TEAD4: variants seen among roughly 807,000 people sequenced by gnomAD.
The protein encoded by TEAD4 is transcriptional enhancer factor TEF-3.
Under a neutral mutation model 52.4 loss-of-function variants are expected in TEAD4, and 36 were observed. The ratio of observed to expected loss-of-function variants is 0.69; its 90% confidence interval spans 0.53 to 0.91. The LOEUF (loss-of-function observed/expected upper bound fraction) is 0.91. Ranked by LOEUF, TEAD4 falls within the 40% of genes least tolerant of loss-of-function variation. The pLI, the probability that TEAD4 is intolerant of heterozygous loss-of-function variation, is 0.00. For missense variants in TEAD4, 508 were observed against 583.9 expected (o/e 0.87, Z 1.34); for synonymous variants, 220 against 231.0 (o/e 0.95, Z 0.43).
chr12:2,965,314 C>T (rs1274407284), intron 2 of TEAD4, among the ~76,000 whole-genome samples: 1 of 151,840 alleles, frequency 6.6e-6, no homozygotes, highest in East Asian at 1.9e-4. Flanking sequence ...TACGCCACCA[C>T]ACCTGGCTAA....
At chr12:2,991,593 C>T (rs1345208390) in intron 2 of TEAD4, among the ~76,000 whole-genome samples, 3 of 151,960 alleles carry the variant, frequency 2.0e-5, no homozygotes, top group East Asian at 1.9e-4. Context: ...ACTTGGGAGG[C>T]GGAGGTTACA....
intron 2 of TEAD4, among the ~76,000 whole-genome samples, chr12:2,965,401 C>G (rs908969533): frequency 1.3e-5 from 2 of 152,164 alleles, no homozygotes; most frequent in African/African-American, 4.8e-5. Flanking sequence ...CTCAAGCAAT[C>G]CTCCTACCTT....
At chr12:2,978,671 T>C (rs1056981918) in intron 2 of TEAD4, among the ~76,000 whole-genome samples, 3 of 152,086 alleles carry the variant, frequency 2.0e-5, no homozygotes, top group Non-Finnish European at 4.4e-5. Flanking sequence ...CCCAGAGTGC[T>C]GGGATTACGG....
At position 2,994,932 on chromosome 12, in the gene TEAD4, G is replaced by T; in HGVS notation, c.166G>T (p.Ala56Ser). 6.2e-7 allele frequency: 1 copy of T among 1,614,196 alleles called. No homozygotes were observed. The highest frequency in any genetic ancestry group is 8.5e-7 in the Non-Finnish European group (1 of 1,180,034). ...TGAGCAGAGTTTCCAGGAGGCCCTC[G>T]CCATCTACCCGCCCTGTGGCAGGCG... Residue 56 changes from alanine to serine, a missense_variant, in exon 3 of 13, where the codon GCC becomes TCC. Physicochemically the swap from Ala to Ser is moderately conservative, Grantham distance 99. Transcript: ENST00000359864. The surrounding 1 kb of genome is among the most constrained non-coding windows in gnomAD (Gnocchi z 4.7).
At chr12:3,021,460 GCCA>G (rs1330872023) in intron 9 of TEAD4, among the ~76,000 whole-genome samples, 4 of 152,020 alleles carry the variant, frequency 2.6e-5, no homozygotes, top group African/African-American at 9.7e-5. Context: ...ACAGGTGCCT[GCCA>G]CCACACCTGG....
In TEAD4 at chr12:3,017,014, G is replaced by T. The variant is rs544481440; in HGVS notation, c.355-384G>T. The T allele has an allele frequency of 5.3e-4, 239 of 452,152 alleles. 3 individuals are homozygous for T. The highest frequency in any genetic ancestry group is 4.4e-3 in the African/African-American group (219 of 50,100). The allele number at this position is 452,152 out of a possible 1,614,324, so 28.0% of individuals were successfully genotyped here. A position where few individuals can be genotyped will look rare whatever the true frequency, so the allele number is the denominator to read the frequency against. ...CGTGTGGCCAGGGATGATGCTTCCT[G>T]TGCACTCGAGGAGGGATCCAGCAGA... On this transcript the variant is annotated intron_variant, in intron 5 of 12. Coordinates refer to ENST00000359864, the MANE Select transcript of TEAD4 (RefSeq NM_003213.4).
intron 2 of TEAD4, among the ~76,000 whole-genome samples, chr12:2,969,778 C>T (rs377325966): frequency 1.8e-4 from 28 of 152,272 alleles, no homozygotes; most frequent in South Asian, 1.4e-3. Context: ...CAAACAAGCA[C>T]GGTGTTAGGA....
chr12:3,004,840 G>A (rs146931887), intron 3 of TEAD4, among the ~76,000 whole-genome samples: 164 of 152,334 alleles, frequency 1.1e-3, no homozygotes, highest in African/African-American at 3.7e-3. Flanking sequence ...CTGGAGGCAG[G>A]GAGATGGCTG....
rs115178346 is a variant in TEAD4 at position 2,982,938 on chromosome 12, C to G, written c.-29-11800C>G. Reference sequence around the variant, plus strand: ...TGGTGCTCACTTCACCAGGCCAGTCCAGCTCAGCTTGGGTGAAGGAAGGGG... The same window carrying G: ...TGGTGCTCACTTCACCAGGCCAGTCGAGCTCAGCTTGGGTGAAGGAAGGGG... On this transcript the variant is annotated intron_variant, in intron 2 of 12. Coordinates refer to ENST00000359864, the MANE Select transcript of TEAD4 (RefSeq NM_003213.4). Among the ~76,000 whole-genome samples, 1,075 of 152,256 alleles carry G rather than the reference C, an allele frequency of 7.1e-3. 15 individuals are homozygous for G. The highest frequency in any genetic ancestry group is 0.021 in the African/African-American group (883 of 41,544).
At chr12:3,031,273 G>T (rs566012641) in intron 10 of TEAD4, among the ~76,000 whole-genome samples, 1 of 152,318 alleles carries the variant, frequency 6.6e-6, no homozygotes, top group South Asian at 2.1e-4. Context: ...CCCTGACTCA[G>T]CGGAAGGAGC....
chr12:3,029,049 T>C (rs1227853047), intron 10 of TEAD4, among the ~76,000 whole-genome samples: 7 of 152,120 alleles, frequency 4.6e-5, no homozygotes, highest in Non-Finnish European at 8.8e-5. Context: ...CCCATTCTGT[T>C]GAATGTCTTT....
At chr12:2,982,068 G>A (rs2098234457) in intron 2 of TEAD4, among the ~76,000 whole-genome samples, 1 of 152,232 alleles carries the variant, frequency 6.6e-6, no homozygotes, top group Middle Eastern at 3.4e-3. Flanking sequence ...GGGAGAGGAC[G>A]TCAGGTTGGC....
intron 3 of TEAD4, among the ~76,000 whole-genome samples, chr12:3,010,618 G>C (rs749214626): frequency 2.0e-5 from 3 of 152,358 alleles, no homozygotes; most frequent in African/African-American, 4.8e-5. Context: ...CGAGGGCCGG[G>C]CAGCTCCCTG....
chr12:2,978,764 CTCT>C (rs2098231884), intron 2 of TEAD4, among the ~76,000 whole-genome samples: 1 of 152,134 alleles, frequency 6.6e-6, no homozygotes, highest in South Asian at 2.1e-4. Context: ...CTGATAGTCT[CTCT>C]TCGGCTGTCT....
intron 2 of TEAD4, among the ~76,000 whole-genome samples, chr12:2,986,309 AT>A (rs574328186): frequency 3.3e-5 from 5 of 149,322 alleles, no homozygotes; most frequent in Non-Finnish European, 6.0e-5. Context: ...TTTTACAGTA[AT>A]TTTTTTTTTA....
At position 3,020,381 on chromosome 12, in the gene TEAD4, C is replaced by T. The variant is rs531994680; in HGVS notation, c.584-253C>T. Among the ~76,000 whole-genome samples the T allele has an allele frequency of 3.4e-3, 278 of 81,706 alleles. 2 individuals carry two copies. The highest frequency in any genetic ancestry group is 8.1e-3 in the Non-Finnish European group (218 of 26,770). The allele number at this position is 81,706 out of a possible 152,430, so 53.6% of individuals were successfully genotyped here. A position where few individuals can be genotyped will look rare whatever the true frequency, so the allele number is the denominator to read the frequency against. ...CTGCCCTCCAGAATCCAGTCTTGCT[C>T]GGCGGTTCCATGCAGAGTGCTGAGT... On this transcript the variant is annotated intron_variant, in intron 8 of 12. Transcript: ENST00000359864.
chr12:3,004,959 C>T (rs1428243262), intron 3 of TEAD4, among the ~76,000 whole-genome samples: 2 of 152,218 alleles, frequency 1.3e-5, no homozygotes, highest in Non-Finnish European at 2.9e-5. Flanking sequence ...GGGTTCTCAA[C>T]TGCCGGCATC....
At chr12:3,012,680 T>G (rs11062459) in intron 5 of TEAD4, among the ~76,000 whole-genome samples, 30,207 of 152,142 alleles carry the variant, frequency 0.2, 6,002 homozygotes, top group African/African-American at 0.5. Flanking sequence ...TGGGACTGGG[T>G]GTTCCTTCCC....
chr12:2,972,491 CTTTTTTTTTTTTTTT>C (rs751852771), intron 2 of TEAD4, among the ~76,000 whole-genome samples: 2 of 34,750 alleles, frequency 5.8e-5, no homozygotes, highest in South Asian at 1.7e-3. Context: ...CAGCATGTCT[CTTTTTTTTTTTTTTT>C]TTTTTTTTTT....
Sources: gnomAD v4.1 joint callset for allele counts (sites outside exome capture counted in the v4.1 genomes callset) on GRCh38, gnomAD v4.1.1 for gene constraint, Gnocchi (gnomAD v3.1) non-coding constraint, MANE v1.5 for transcripts, NCBI Gene and HGNC (gene_info 2026-07-23, HGNC 2026-07-21) for gene names.